Variants in GPC5 observed in about 807,000 individuals in gnomAD.
GPC5 encodes glypican 5.
GPC5 carries 47 observed loss-of-function variants against 53.9 expected under a neutral mutation model. The ratio of observed to expected loss-of-function variants is 0.87; its 90% CI spans 0.69 to 1.11. GPC5 has a LOEUF of 1.11. Ranked by LOEUF, GPC5 falls within the 50% of genes most tolerant of loss-of-function variation. The pLI, the probability that GPC5 is intolerant of heterozygous loss-of-function variation, is 0.00. For synonymous variants in GPC5, 286 were observed against 263.3 expected, an observed-to-expected ratio of 1.09 and a Z score of -0.84; for missense variants, 748 against 713.1, an observed-to-expected ratio of 1.05 and a Z score of -0.56.
At chr13:91,634,511 G>GTC (rs1384539287) in intron 2 of GPC5, among the ~76,000 whole-genome samples, 1 of 151,878 alleles carries the variant, frequency 6.6e-6, no homozygotes, top group Non-Finnish European at 1.5e-5. Context: ...GCTGACCAAA[G>GTC]TCTCATAAGT....
chr13:92,012,851 C>G (rs1426048734), intron 6 of GPC5, among the ~76,000 whole-genome samples: 1 of 152,200 alleles, frequency 6.6e-6, no homozygotes, highest in Non-Finnish European at 1.5e-5. Flanking sequence ...TGAACATTTA[C>G]TCAACCTGCT....
chr13:91,412,319 A>G (rs1283847979), intron 1 of GPC5, among the ~76,000 whole-genome samples: 1 of 152,250 alleles, frequency 6.6e-6, no homozygotes, highest in South Asian at 2.1e-4. Context: ...TAGATTCCCA[A>G]CTGAGCTCCC....
At chr13:91,738,069 T>C (rs1365226265) in intron 4 of GPC5, among the ~76,000 whole-genome samples, 1 of 150,872 alleles carries the variant, frequency 6.6e-6, no homozygotes, top group East Asian at 1.9e-4. Flanking sequence ...AGAGGGTGAG[T>C]GGAGGAAAGG....
chr13:92,521,901 A>T (rs528770971), intron 7 of GPC5, among the ~76,000 whole-genome samples: 2 of 152,330 alleles, frequency 1.3e-5, no homozygotes, highest in East Asian at 3.9e-4. Context: ...TAATATCCAG[A>T]ATCTACAAAG....
At chr13:92,158,919 A>G (rs1014458609) in intron 7 of GPC5, among the ~76,000 whole-genome samples, 2 of 152,154 alleles carry the variant, frequency 1.3e-5, no homozygotes, top group African/African-American at 4.8e-5. Flanking sequence ...ACCAATTTCA[A>G]TTATTCTGAA....
At chr13:92,092,150 A>T (rs996161449) in intron 6 of GPC5, among the ~76,000 whole-genome samples, 1 of 152,280 alleles carries the variant, frequency 6.6e-6, no homozygotes. Context: ...TATTTCCTGA[A>T]AAACAGCTGA....
chr13:92,072,386 C>T (rs2041219612), intron 6 of GPC5, among the ~76,000 whole-genome samples: 1 of 151,326 alleles, frequency 6.6e-6, no homozygotes, highest in Non-Finnish European at 1.5e-5. Context: ...CCTGCCTCAA[C>T]TTTCCAAGTA....
rs1594350610 is a variant in GPC5 at position 92,615,599 on chromosome 13, A to G, written c.1562-250683A>G. ...TAAAATAAACATCTAGAGTAAAATT[A>G]CCAAATTGTGTTCTTTAGATGTTAA... On this transcript the variant is annotated intron_variant, in intron 7 of 7. Coordinates refer to ENST00000377067, the MANE Select transcript of GPC5 (RefSeq NM_004466.6). Among the ~76,000 whole-genome samples the G allele has an allele frequency of 2.6e-5, 4 of 152,198 alleles. No individual in the cohort carries two copies. In the South Asian group the frequency reaches 8.3e-4, roughly 31 times the overall value.
intron 5 of GPC5, among the ~76,000 whole-genome samples, chr13:91,784,253 T>C (rs1442502359): frequency 6.6e-6 from 1 of 152,214 alleles, no homozygotes; most frequent in Non-Finnish European, 1.5e-5. Flanking sequence ...GAGATTGTCT[T>C]TTTTTAAGTT....
chr13:92,560,700 CT>C (rs1882664261), intron 7 of GPC5, among the ~76,000 whole-genome samples: 1 of 151,988 alleles, frequency 6.6e-6, no homozygotes, highest in South Asian at 2.1e-4. Context: ...AATCTAATTT[CT>C]GCCTCAGATA....
At chr13:92,723,935 A>G (rs1269121705) in intron 7 of GPC5, among the ~76,000 whole-genome samples, 3 of 151,716 alleles carry the variant, frequency 2.0e-5, no homozygotes, top group Admixed American at 1.3e-4. Context: ...TTAACTGGTA[A>G]GACTAGCTTA....
intron 7 of GPC5, among the ~76,000 whole-genome samples, chr13:92,661,100 G>A (rs1304249881): frequency 1.3e-5 from 2 of 151,958 alleles, no homozygotes; most frequent in Non-Finnish European, 2.9e-5. Context: ...AGGAGTTTGA[G>A]ACCATCCTGG....
chr13:92,620,674 GA>G (rs1254556992), intron 7 of GPC5, among the ~76,000 whole-genome samples: 1 of 152,204 alleles, frequency 6.6e-6, no homozygotes, highest in Non-Finnish European at 1.5e-5. Context: ...TAGTTGGGAA[GA>G]TTTTTAGAGT....
intron 2 of GPC5, among the ~76,000 whole-genome samples, chr13:91,673,501 C>G (rs2035299373): frequency 6.6e-6 from 1 of 151,936 alleles, no homozygotes; most frequent in Non-Finnish European, 1.5e-5. Context: ...TTAAAAACAG[C>G]TCAGAGGAAA....
chr13:91,513,691 A>G (rs1007779969), intron 2 of GPC5, among the ~76,000 whole-genome samples: 2 of 152,152 alleles, frequency 1.3e-5, no homozygotes, highest in Non-Finnish European at 2.9e-5. Context: ...CAGTGAGCTA[A>G]GATCACATTG....
At position 91,541,807 on chromosome 13, in the gene GPC5, G is replaced by GAATAATTAAT. The variant is rs2029949150; in HGVS notation, c.325+92887_325+92888insTAATTAATAA. ...AAAGAGTAATATGTTAATACACTGA[G>GAATAATTAAT]AACTTCCATATTAATTAATAATAAA... On this transcript the variant is annotated intron_variant, in intron 2 of 7. Coordinates refer to ENST00000377067, the MANE Select transcript of GPC5 (RefSeq NM_004466.6). 4.7e-5 allele frequency among the ~76,000 whole-genome samples: 7 copies of GAATAATTAAT among 149,344 alleles called. No homozygotes were observed. The South Asian group carries it at 1.5e-3, about 32-fold the overall frequency.
chr13:92,566,142 A>G (rs1407253656), intron 7 of GPC5, among the ~76,000 whole-genome samples: 1 of 152,052 alleles, frequency 6.6e-6, no homozygotes, highest in Non-Finnish European at 1.5e-5. Flanking sequence ...GTTAGAGGCC[A>G]TGGAAAGGTG....
chr13:92,313,446 C>A (rs923922563), intron 7 of GPC5, among the ~76,000 whole-genome samples: 1 of 152,178 alleles, frequency 6.6e-6, no homozygotes, highest in Admixed American at 6.5e-5. Flanking sequence ...CAGACATTTA[C>A]AAGTAATTTG....
At chr13:92,471,975 G>A in intron 7 of GPC5, among the ~76,000 whole-genome samples, 1 of 152,122 alleles carries the variant, frequency 6.6e-6, no homozygotes. Context: ...TAATCATTGT[G>A]TTCCTTTGGA....
Sources: gnomAD v4.1 joint callset for allele counts (sites outside exome capture counted in the v4.1 genomes callset) on GRCh38, gnomAD v4.1.1 for gene constraint, MANE v1.5 for transcripts, NCBI Gene and HGNC (gene_info 2026-07-23, HGNC 2026-07-21) for gene names.